The following HOXB6 variants were observed in gnomAD, a reference collection of about 807,000 sequenced individuals.
HOXB6 encodes homeobox B6.
A neutral mutation model predicts 24.2 loss-of-function variants in HOXB6; 18 were observed. That is an observed-to-expected ratio of 0.74 (90% confidence interval 0.51 to 1.10). The LOEUF (loss-of-function observed/expected upper bound fraction) is 1.10, where lower values mean the gene tolerates loss of function less well. Ranked by LOEUF, HOXB6 falls within the 50% of genes least tolerant of loss-of-function variation. The pLI is 0.00. For missense variants in HOXB6, 332 were observed against 308.3 expected, an observed-to-expected ratio of 1.08 and a Z score of -0.58; for synonymous variants, 159 against 139.1, an observed-to-expected ratio of 1.14 and a Z score of -1.01.
intron 3 of HOXB6, chr17:48,597,025 A>C: frequency 2.5e-6 from 3 of 1,190,024 alleles, no homozygotes; most frequent in Non-Finnish European, 2.1e-6. Flanking sequence ...CCAATGATAA[A>C]TCCAGGCCGT....
chr17:48,599,941 G>A (rs2144969272), intron 2 of HOXB6, among the ~76,000 whole-genome samples: 1 of 152,312 alleles, frequency 6.6e-6, no homozygotes, highest in Middle Eastern at 3.4e-3. Flanking sequence ...ATCACCAAGG[G>A]TGGGAACTTA....
Position 48,596,340 on chromosome 17 carries a change from T to C in HOXB6, c.*73A>G. On this transcript the variant is annotated 3_prime_UTR_variant, in exon 4 of 4. Transcript: ENST00000225648. The surrounding 1 kb of genome is among the most constrained non-coding windows in gnomAD (Gnocchi z 4.8). ...GGCTCCCCCACCCGAGAGCCTTCCT[T>C]CCCGGGTCTCTCTGACGCCCTCGGC... 1 of 1,607,862 alleles carries C rather than the reference T, an allele frequency of 6.2e-7. No homozygotes were observed. Among genetic ancestry groups the C allele is most frequent in the Non-Finnish European group, 8.5e-7 (1 of 1,174,846 alleles).
rs369847566 is a variant in HOXB6, at chr17:48,596,530, C to A, written c.558G>T (p.Thr186=). ...GGAACCATATCTTGATCTGCCTCTC[C>A]GTCAGGCACAGGGCGTGCGCGATCT... ...RIEIAHALCL[T]ERQIKIWFQN... The change falls in exon 4 of 4, where the codon ACG becomes ACT. Residue 186 remains threonine (T), a synonymous_variant. Transcript: ENST00000225648. The surrounding 1 kb of genome is among the most constrained non-coding windows in gnomAD (Gnocchi z 4.8). 3 of 1,614,274 alleles carry A rather than the reference C, an allele frequency of 1.9e-6. No individual in the cohort carries two copies. Among genetic ancestry groups the A allele is most frequent in the Admixed American group, 1.7e-5 (1 of 60,036 alleles).
At position 48,596,728 on chromosome 17, in the gene HOXB6, C is replaced by T. The variant is rs1277169150; in HGVS notation, c.416-56G>A. The T allele has an allele frequency of 2.5e-6, 4 of 1,601,182 alleles. No homozygotes were observed. Among genetic ancestry groups the T allele is most frequent in the African/African-American group, 2.7e-5 (2 of 74,886 alleles). On this transcript the variant is annotated intron_variant, in intron 3 of 3. Coordinates refer to ENST00000225648, the MANE Select transcript of HOXB6 (RefSeq NM_018952.5). The surrounding 1 kb of genome is among the most constrained non-coding windows in gnomAD (Gnocchi z 4.8). ...GCGGTCACCGGGCCCAGGACCCCCT[C>T]CCCTAGTCGACCCTCGAACACAGAC...
chr17:48,601,640 C>T (rs74810900), intron 2 of HOXB6: 2,299 of 158,082 alleles, frequency 0.015, 77 homozygotes, highest in African/African-American at 0.053. Flanking sequence ...CTATAAAGAG[C>T]TGCTCCAGAG....
chr17:48,599,196 A>G (rs540333184), intron 2 of HOXB6, among the ~76,000 whole-genome samples: 2 of 152,234 alleles, frequency 1.3e-5, no homozygotes, highest in African/African-American at 4.8e-5. Context: ...CCTGCCTGCA[A>G]CCCTCACTCC....
Position 48,596,258 on chromosome 17 carries a change from G to A in HOXB6, c.*155C>T, listed in dbSNP as rs1176291192. The A allele has an allele frequency of 6.0e-6, 7 of 1,158,686 alleles. No homozygotes were observed. The highest frequency in any genetic ancestry group is 3.4e-5 in the Admixed American group (2 of 58,222). 71.8% of individuals were successfully genotyped at this position (1,158,686 alleles called of 1,614,324 possible). ...AGCACCCGCCGGGAGCTGTGCGGGC[G>A]GGGGCGTCCAGGAGAGCGCTGGGCC... On this transcript the variant is annotated 3_prime_UTR_variant, in exon 4 of 4. Coordinates refer to ENST00000225648, the MANE Select transcript of HOXB6 (RefSeq NM_018952.5). This position sits in a 1 kb window ranked among gnomAD's most constrained non-coding sequence, Gnocchi z 4.8.
At chr17:48,597,156 C>T (rs1339633022) in intron 3 of HOXB6, 2 of 887,994 alleles carry the variant, frequency 2.3e-6, no homozygotes, top group Non-Finnish European at 2.8e-6. Flanking sequence ...AGACCCCGCG[C>T]CTGTTTCTCC....
chr17:48,598,761 C>T (rs1318052635), intron 2 of HOXB6, among the ~76,000 whole-genome samples: 1 of 152,174 alleles, frequency 6.6e-6, no homozygotes, highest in Non-Finnish European at 1.5e-5. Flanking sequence ...AAGAGTTCTC[C>T]GCTAAGATAA....
At position 48,596,659 on chromosome 17, in the gene HOXB6, C is replaced by A. The variant is rs754414585; in HGVS notation, c.429G>T (p.Gly143=). 1.9e-6 allele frequency: 3 copies of A among 1,613,212 alleles called. No homozygotes were observed. In the South Asian group the frequency reaches 3.3e-5, roughly 18 times the overall value. ...RMNSCNSSSF[G]PSGRRGRQTY... ...TCTGGCGGCCTCGCCGGCCGCTGGG[C>A]CCAAAGGAGGAACCTGTTACGCAGA... Residue 143 remains glycine (G), a synonymous_variant, in exon 4 of 4, where the codon GGG becomes GGT. Transcript: ENST00000225648. The surrounding 1 kb of genome is among the most constrained non-coding windows in gnomAD (Gnocchi z 4.8).
rs1394650708 is a variant in HOXB6, at chr17:48,596,500, G to A, written c.588C>T (p.Asn196=). The A allele has an allele frequency of 6.2e-7, 1 of 1,614,146 alleles. No homozygotes were observed. The highest frequency in any genetic ancestry group is 2.2e-5 in the East Asian group (1 of 44,896). ...TERQIKIWFQ[N]RRMKWKKESK... The stretch of plus-strand genomic sequence containing the variant: ...TCTCCTTTTTCCACTTCATGCGTCG[G>A]TTCTGGAACCATATCTTGATCTGCC... Residue 196 remains asparagine (N), a synonymous_variant, in exon 4 of 4, where the codon AAC becomes AAT. Transcript: ENST00000225648. This position sits in a 1 kb window ranked among gnomAD's most constrained non-coding sequence, Gnocchi z 4.8.
intron 2 of HOXB6, chr17:48,600,584 G>A (rs2070436511): frequency 2.2e-6 from 1 of 453,236 alleles, no homozygotes; most frequent in Non-Finnish European, 4.4e-6. Flanking sequence ...CGTTTGTTTG[G>A]GAAAAAGAGC....
chr17:48,602,402 T>G (rs1290847872), intron 2 of HOXB6: 2 of 363,594 alleles, frequency 5.5e-6, no homozygotes, highest in Non-Finnish European at 1.1e-5. Flanking sequence ...GGGATGGCGG[T>G]GGGGGTGTCG....
At chr17:48,601,886 C>T (rs928506067) in intron 2 of HOXB6, 1 of 300,794 alleles carries the variant, frequency 3.3e-6, no homozygotes, top group African/African-American at 2.2e-5. Context: ...ATCAGTAACC[C>T]GTGAGACAGG....
In HOXB6 at chr17:48,596,879, G is replaced by C; in HGVS notation, c.416-207C>G. 8.2e-7 allele frequency: 1 copy of C among 1,226,280 alleles called. No homozygotes were observed. The highest frequency in any genetic ancestry group is 1.1e-6 in the Non-Finnish European group (1 of 907,934). The allele number at this position is 1,226,280 out of a possible 1,614,324, so 76.0% of individuals were successfully genotyped here. The stretch of plus-strand genomic sequence containing the variant: ...GTGCCGTCTGTCTAGACTCTAGATG[G>C]GGGAGGGGAGGAGCAGTTTGAACTC... On this transcript the variant is annotated intron_variant, in intron 3 of 3. Transcript: ENST00000225648. The surrounding 1 kb of genome is among the most constrained non-coding windows in gnomAD (Gnocchi z 4.8).
At chr17:48,600,304 A>G in intron 2 of HOXB6, 1 of 371,892 alleles carries the variant, frequency 2.7e-6, no homozygotes, top group South Asian at 2.0e-5. Flanking sequence ...TCTCCATCCT[A>G]GCACTAAATA....
chr17:48,601,306 C>A (rs773327612), intron 2 of HOXB6: 1 of 152,156 alleles, frequency 6.6e-6, no homozygotes, highest in Non-Finnish European at 1.5e-5. Flanking sequence ...GCCCTAAAAT[C>A]GGCCCCTCCA....
intron 2 of HOXB6, 59 bp from the exon 3 acceptor site, chr17:48,598,287 G>C: frequency 1.2e-6 from 1 of 859,688 alleles, no homozygotes; most frequent in Non-Finnish European, 1.7e-6. Flanking sequence ...AGGTGCCAGT[G>C]AGGGCCAGAA....
Position 48,596,048 on chromosome 17 carries a change from C to G in HOXB6, c.*365G>C, listed in dbSNP as rs2144948306. 1 of 481,050 alleles carries G rather than the reference C, an allele frequency of 2.1e-6. No individual in the cohort carries two copies. Among genetic ancestry groups the G allele is most frequent in the Non-Finnish European group, 4.1e-6 (1 of 243,788 alleles). The allele number at this position is 481,050 out of a possible 1,614,324, so 29.8% of individuals were successfully genotyped here. On this transcript the variant is annotated 3_prime_UTR_variant, in exon 4 of 4. Transcript: ENST00000225648. This position sits in a 1 kb window ranked among gnomAD's most constrained non-coding sequence, Gnocchi z 4.8. ...AGGGGACAGCGAATCTACCATTGAA[C>G]CGTGCACGGGGGACATGGACAAAAT...
Sources: allele counts gnomAD v4.1 joint callset (sites outside exome capture counted in the v4.1 genomes callset), GRCh38; gene constraint gnomAD v4.1.1; non-coding constraint Gnocchi (gnomAD v3.1); transcripts MANE v1.5; gene names NCBI Gene and HGNC (gene_info 2026-07-23, HGNC 2026-07-21).